PCCA: variants seen among roughly 807,000 people sequenced by gnomAD.
PCCA encodes propionyl-CoA carboxylase subunit alpha.
In PCCA, 74 loss-of-function variants were observed where a neutral mutation model predicts 101.3. That is an observed-to-expected ratio of 0.73 (90% CI 0.61 to 0.89). The LOEUF (loss-of-function observed/expected upper bound fraction) is 0.89. PCCA is among the 40% of genes least tolerant of loss of function. PCCA has a pLI of 0.00. For missense variants in PCCA, 891 were observed against 907.0 expected (o/e 0.98, Z 0.23); for synonymous variants, 294 against 313.6 (o/e 0.94, Z 0.66).
chr13:100,447,663 ACT>A (rs34304013), intron 20 of PCCA, among the ~76,000 whole-genome samples: 4,052 of 148,478 alleles, frequency 0.027, 186 homozygotes, highest in African/African-American at 0.098. Context: ...CAAGAATGAA[ACT>A]CTGTCTCAAA....
chr13:100,192,930 A>G (rs929672654), intron 6 of PCCA, among the ~76,000 whole-genome samples: 4 of 151,930 alleles, frequency 2.6e-5, no homozygotes, highest in Non-Finnish European at 5.9e-5. Context: ...TTTTTGGTAC[A>G]TGTGTTGTTG....
At chr13:100,495,487 A>AT (rs1420748655) in intron 21 of PCCA, among the ~76,000 whole-genome samples, 5 of 152,060 alleles carry the variant, frequency 3.3e-5, no homozygotes, top group Non-Finnish European at 7.4e-5. Flanking sequence ...AGTGCAGAAA[A>AT]TTTTTTTTAA....
intron 6 of PCCA, among the ~76,000 whole-genome samples, chr13:100,204,949 C>T (rs866712767): frequency 2.0e-5 from 3 of 151,770 alleles, no homozygotes; most frequent in African/African-American, 7.3e-5. Flanking sequence ...ACACTTGGCT[C>T]ATAATTTTTT....
intron 19 of PCCA, among the ~76,000 whole-genome samples, chr13:100,415,390 A>G (rs2078300820): frequency 6.6e-6 from 1 of 152,194 alleles, no homozygotes; most frequent in South Asian, 2.1e-4. Flanking sequence ...TGGGTGACAG[A>G]GTGAGACCCT....
Position 100,516,872 on chromosome 13 carries a change from A to G in PCCA, c.2040+1305A>G, listed in dbSNP as rs180838592. 2.3e-3 allele frequency among the ~76,000 whole-genome samples: 347 copies of G among 152,260 alleles called. 2 individuals carry two copies. The highest frequency in any genetic ancestry group is 0.02 in the South Asian group (98 of 4,824). On this transcript the variant is annotated intron_variant, in intron 22 of 23. Coordinates refer to ENST00000376285, the MANE Select transcript of PCCA (RefSeq NM_000282.4). ...TCGTTCACTTGCACGTGACATTATCAGAGCTGTCAGTGGAATCTTCTAGTG... is the reference window on the plus strand; with the variant it reads ...TCGTTCACTTGCACGTGACATTATCGGAGCTGTCAGTGGAATCTTCTAGTG...
chr13:100,136,621 T>C (rs2051207532), intron 4 of PCCA, among the ~76,000 whole-genome samples: 1 of 152,230 alleles, frequency 6.6e-6, no homozygotes, highest in Admixed American at 6.5e-5. Context: ...TGAGTGTGTT[T>C]TGTTAGCTTT....
intron 6 of PCCA, among the ~76,000 whole-genome samples, chr13:100,180,193 A>AT (rs1203007524): frequency 2.0e-5 from 3 of 152,202 alleles, no homozygotes; most frequent in Non-Finnish European, 4.4e-5. Flanking sequence ...ATCAGACTGA[A>AT]GAACTATGTG....
chr13:100,247,215 G>T (rs1308837727), intron 8 of PCCA, among the ~76,000 whole-genome samples: 11 of 108,240 alleles, frequency 1.0e-4, no homozygotes, highest in Non-Finnish European at 1.6e-4. Context: ...GCCTGTGTGG[G>T]TTTTTTTTTT....
chr13:100,317,279 A>T (rs972367455), intron 16 of PCCA, among the ~76,000 whole-genome samples: 1 of 152,084 alleles, frequency 6.6e-6, no homozygotes, highest in Admixed American at 6.6e-5. Context: ...TATTTATTGT[A>T]ATATATGAGC....
chr13:100,190,818 C>G (rs1359638543), intron 6 of PCCA, among the ~76,000 whole-genome samples: 2 of 152,096 alleles, frequency 1.3e-5, no homozygotes, highest in Non-Finnish European at 2.9e-5. Flanking sequence ...GAAAAAGGGG[C>G]TGGTCGTGGT....
intron 4 of PCCA, among the ~76,000 whole-genome samples, chr13:100,150,086 A>G (rs912453600): frequency 1.6e-5 from 2 of 124,062 alleles, no homozygotes; most frequent in Non-Finnish European, 3.1e-5. Flanking sequence ...GCTGGAGTGC[A>G]GTGGCCTGAT....
chr13:100,439,715 G>C (rs1047676581), intron 20 of PCCA, among the ~76,000 whole-genome samples: 1 of 151,844 alleles, frequency 6.6e-6, no homozygotes, highest in African/African-American at 2.4e-5. Context: ...TTTGCAAGCA[G>C]AGCCGACTAA....
intron 6 of PCCA, among the ~76,000 whole-genome samples, chr13:100,165,778 TC>T (rs1396668988): frequency 6.6e-6 from 1 of 152,072 alleles, no homozygotes; most frequent in East Asian, 1.9e-4. Context: ...ACACCTATAA[TC>T]CCATCACTTT....
intron 21 of PCCA, among the ~76,000 whole-genome samples, chr13:100,451,394 A>G (rs2081215298): frequency 6.6e-6 from 1 of 152,196 alleles, no homozygotes; most frequent in Non-Finnish European, 1.5e-5. Flanking sequence ...CTTTTCATGC[A>G]ATAATAGATC....
At position 100,273,364 on chromosome 13, in the gene PCCA, T is replaced by C. The variant is rs1458093935; in HGVS notation, c.1065+18T>C. On this transcript the variant is annotated intron_variant, in intron 12 of 23. Transcript: ENST00000376285. Reference sequence around the variant, plus strand: ...GACTCCAGGTAACAACAACTGTTATTTATTCCTCTCCATGCCTCTGTACTT... The same window carrying C: ...GACTCCAGGTAACAACAACTGTTATCTATTCCTCTCCATGCCTCTGTACTT... The C allele has an allele frequency of 1.2e-6, 2 of 1,601,264 alleles. No homozygotes were observed. Among genetic ancestry groups the C allele is most frequent in the Admixed American group, 1.7e-5 (1 of 59,986 alleles).
chr13:100,520,735 T>A (rs1384853754), intron 22 of PCCA, among the ~76,000 whole-genome samples: 4 of 146,574 alleles, frequency 2.7e-5, no homozygotes, highest in African/African-American at 1.0e-4. Flanking sequence ...GGTAAAAAAA[T>A]ATCTATTAGT....
chr13:100,119,668 TC>T (rs1254717330), intron 4 of PCCA, among the ~76,000 whole-genome samples: 4 of 152,032 alleles, frequency 2.6e-5, no homozygotes, highest in Non-Finnish European at 5.9e-5. Context: ...GGTTGATTCC[TC>T]CCCCACAACC....
chr13:100,449,285 A>T lies in PCCA; in HGVS notation c.1879A>T (p.Ile627Phe). 1.3e-6 allele frequency: 2 copies of T among 1,541,724 alleles called. No homozygotes were observed. Among genetic ancestry groups the T allele is most frequent in the South Asian group, 2.4e-5 (2 of 83,686 alleles). The change falls in exon 21 of 24, where the codon ATT becomes TTT. Residue 627 changes from isoleucine to phenylalanine, a missense_variant. Coordinates refer to ENST00000376285, the MANE Select transcript of PCCA (RefSeq NM_000282.4). ...LSREAGGNMS[I>F]QFLGTVYKVN... ...TCGAGAAGCAGGTGGAAACATGAGC[A>T]TTCAGTTTCTTGGTACAGTGGTAAG... is the stretch of plus-strand genomic sequence containing the variant.
rs561168921 is a variant in PCCA, at chr13:100,247,638, C to T, written c.638-9957C>T. Among the ~76,000 whole-genome samples, 89 of 151,814 alleles carry T rather than the reference C, an allele frequency of 5.9e-4. 1 individual carries two copies. Among genetic ancestry groups the T allele is most frequent in the African/African-American group, 2.1e-3 (85 of 41,396 alleles). Reference sequence around the variant, plus strand: ...AAGCAATTCTCCTGCCTCAGCCTCCCGAGTAGCTGTGACTACAGGTGCCTG... The same window carrying T: ...AAGCAATTCTCCTGCCTCAGCCTCCTGAGTAGCTGTGACTACAGGTGCCTG... On this transcript the variant is annotated intron_variant, in intron 8 of 23. Coordinates refer to ENST00000376285, the MANE Select transcript of PCCA (RefSeq NM_000282.4).
Sources: gnomAD v4.1 joint callset for allele counts (sites outside exome capture counted in the v4.1 genomes callset) on GRCh38, gnomAD v4.1.1 for gene constraint, MANE v1.5 for transcripts, NCBI Gene and HGNC (gene_info 2026-07-23, HGNC 2026-07-21) for gene names.